The following SHROOM3 variants were observed in gnomAD, a reference collection of about 807,000 sequenced individuals.
The protein encoded by SHROOM3 is protein Shroom3.
Under a neutral mutation model 138.6 loss-of-function variants are expected in SHROOM3, and 47 were observed. The ratio of observed to expected loss-of-function variants is 0.34; its 90% CI spans 0.27 to 0.43. The LOEUF (loss-of-function observed/expected upper bound fraction) is 0.43, where lower values mean the gene tolerates loss of function less well. Ranked by LOEUF, SHROOM3 falls within the 20% of genes least tolerant of loss-of-function variation. The pLI, the probability that SHROOM3 is intolerant of heterozygous loss-of-function variation, is 1.00. For synonymous variants in SHROOM3, 1,062 were observed against 1,063.3 expected (o/e 1.00, Z 0.02); for missense variants, 2,491 against 2,596.5 (o/e 0.96, Z 0.88).
At chr4:76,683,225 T>TA (rs1365365916) in intron 2 of SHROOM3, among the ~76,000 whole-genome samples, 2 of 152,276 alleles carry the variant, frequency 1.3e-5, no homozygotes, top group Admixed American at 6.5e-5. Context: ...TTTTATTTTT[T>TA]AAAAAAATTT....
intron 2 of SHROOM3, among the ~76,000 whole-genome samples, chr4:76,631,203 CTT>C (rs71212436): frequency 4.1e-4 from 43 of 104,198 alleles, no homozygotes; most frequent in African/African-American, 9.6e-4. Flanking sequence ...TTTTTTTAAT[CTT>C]TTTTTTTTTT....
rs570996603 is a variant in SHROOM3, at chr4:76,649,056, T to C, written c.324-61100T>C. On this transcript the variant is annotated intron_variant, in intron 2 of 10. Transcript: ENST00000296043. ...AGAGAATGTGTTGGATAAGAGTAGGTATATGTAATTATATAGTAATTATGC... is the reference window on the plus strand; with the variant it reads ...AGAGAATGTGTTGGATAAGAGTAGGCATATGTAATTATATAGTAATTATGC... Among the ~76,000 whole-genome samples, 35 of 152,266 alleles carry C rather than the reference T, an allele frequency of 2.3e-4. No homozygotes were observed. In the South Asian group the frequency reaches 6.0e-3, roughly 26 times the overall value.
chr4:76,700,492 G>A (rs1719872527), intron 2 of SHROOM3, among the ~76,000 whole-genome samples: 1 of 152,210 alleles, frequency 6.6e-6, no homozygotes. Context: ...AGGAGAGGGA[G>A]GCATGCTGAG....
intron 2 of SHROOM3, among the ~76,000 whole-genome samples, chr4:76,640,694 G>A (rs1363571503): frequency 5.3e-5 from 8 of 152,178 alleles, no homozygotes; most frequent in South Asian, 4.1e-4. Flanking sequence ...CATCATTGCC[G>A]TTCTACAGAT....
At chr4:76,742,121 T>G (rs1422640969) in intron 5 of SHROOM3, 195 bp downstream of exon 5, 8 of 725,752 alleles carry the variant, frequency 1.1e-5, no homozygotes, top group South Asian at 3.1e-5. Context: ...AAGATATAGG[T>G]ATCTAGATTA....
Position 76,624,697 on chromosome 4 carries a change from T to A in SHROOM3, c.323+68934T>A, listed in dbSNP as rs774280228. Among the ~76,000 whole-genome samples, 58 of 152,282 alleles carry A rather than the reference T, an allele frequency of 3.8e-4. 1 individual carries two copies. In the Middle Eastern group the frequency reaches 0.027, roughly 71 times the overall value. On this transcript the variant is annotated intron_variant, in intron 2 of 10. Transcript: ENST00000296043. ...GCCAAACAGAAATTATAAAGAGGTG[T>A]CTGAAATGAATCAATGTGTTAACAT...
At chr4:76,567,554 G>A (rs906266581) in intron 2 of SHROOM3, among the ~76,000 whole-genome samples, 2 of 152,316 alleles carry the variant, frequency 1.3e-5, no homozygotes, top group Non-Finnish European at 2.9e-5. Context: ...GGAGGCTGAG[G>A]CAGGAGAATG....
intron 1 of SHROOM3, among the ~76,000 whole-genome samples, chr4:76,460,575 G>A (rs1452289745): frequency 2.6e-5 from 4 of 152,004 alleles, no homozygotes; most frequent in Non-Finnish European, 5.9e-5. Flanking sequence ...CAAGGTGTGA[G>A]CAGGTTTGGT....
At chr4:76,613,739 G>T (rs572753593) in intron 2 of SHROOM3, among the ~76,000 whole-genome samples, 4 of 152,274 alleles carry the variant, frequency 2.6e-5, no homozygotes, top group African/African-American at 9.6e-5. Flanking sequence ...GAAGAGGGCT[G>T]GGGGATAGCT....
intron 2 of SHROOM3, among the ~76,000 whole-genome samples, chr4:76,648,754 T>C (rs1220950147): frequency 6.6e-6 from 1 of 152,230 alleles, no homozygotes; most frequent in Non-Finnish European, 1.5e-5. Flanking sequence ...GATTTGATTA[T>C]AACTTTAGAC....
At chr4:76,756,415 CTCTT>C (rs760250406) in intron 7 of SHROOM3, 30 bp from the exon 8 acceptor site, 110 of 1,480,920 alleles carry the variant, frequency 7.4e-5, no homozygotes, top group Middle Eastern at 2.2e-4. Context: ...TTCTCTCTCT[CTCTT>C]TTTTTTTTTT....
chr4:76,567,894 G>A (rs773915766), intron 2 of SHROOM3, among the ~76,000 whole-genome samples: 2 of 142,704 alleles, frequency 1.4e-5, no homozygotes, highest in African/African-American at 2.6e-5. Flanking sequence ...GGTACTGAAC[G>A]TTTTTTTTTT....
intron 1 of SHROOM3, among the ~76,000 whole-genome samples, chr4:76,462,633 T>C (rs1731162921): frequency 1.3e-5 from 2 of 152,204 alleles, no homozygotes; most frequent in South Asian, 4.2e-4. Context: ...TCATGAGATC[T>C]GGTTGTTTGA....
At chr4:76,698,858 G>A (rs1215167573) in intron 2 of SHROOM3, among the ~76,000 whole-genome samples, 1 of 152,100 alleles carries the variant, frequency 6.6e-6, no homozygotes, top group Non-Finnish European at 1.5e-5. Context: ...AGGAGCTCAG[G>A]TAATGCCCTA....
At chr4:76,647,879 A>G (rs1345835078) in intron 2 of SHROOM3, among the ~76,000 whole-genome samples, 2 of 152,082 alleles carry the variant, frequency 1.3e-5, no homozygotes, top group African/African-American at 2.4e-5. Context: ...AGCCTGGGAG[A>G]CACAGCTAGA....
intron 2 of SHROOM3, among the ~76,000 whole-genome samples, chr4:76,570,405 G>T (rs1477018396): frequency 6.6e-6 from 1 of 152,100 alleles, no homozygotes; most frequent in Non-Finnish European, 1.5e-5. Flanking sequence ...TGCAACCTGG[G>T]GCTGTGGCTG....
At chr4:76,695,746 G>A (rs952818986) in intron 2 of SHROOM3, among the ~76,000 whole-genome samples, 9 of 152,152 alleles carry the variant, frequency 5.9e-5, no homozygotes, top group African/African-American at 1.4e-4. Flanking sequence ...CCTGAGTGTC[G>A]TGGAAGATAC....
chr4:76,477,222 G>A (rs1465894014), intron 1 of SHROOM3, among the ~76,000 whole-genome samples: 1 of 152,134 alleles, frequency 6.6e-6, no homozygotes, highest in African/African-American at 2.4e-5. Flanking sequence ...CCCCCACTCG[G>A]CCTCCCAAAG....
intron 2 of SHROOM3, among the ~76,000 whole-genome samples, chr4:76,707,124 C>T (rs1720078915): frequency 6.6e-6 from 1 of 152,128 alleles, no homozygotes; most frequent in Non-Finnish European, 1.5e-5. Context: ...CTTTTAGTAT[C>T]TTTTAAGTAA....
Sources: gnomAD v4.1 joint callset for allele counts (sites outside exome capture counted in the v4.1 genomes callset) on GRCh38, gnomAD v4.1.1 for gene constraint, MANE v1.5 for transcripts, NCBI Gene and HGNC (gene_info 2026-07-23, HGNC 2026-07-21) for gene names.